Variants in UST observed in about 807,000 individuals in gnomAD.
UST encodes uronyl 2-sulfotransferase.
A neutral mutation model predicts 45.6 loss-of-function variants in UST; 21 were observed. That is an observed-to-expected ratio of 0.46 (90% confidence interval 0.33 to 0.66). The LOEUF (loss-of-function observed/expected upper bound fraction) is 0.66. Among genes scored for constraint, UST ranks in the 30% least tolerant of loss-of-function variants. UST has a pLI of 0.02. For missense variants in UST, 463 were observed against 512.4 expected (o/e 0.90, Z 0.93); for synonymous variants, 215 against 200.6 (o/e 1.07, Z -0.61).
chr6:149,049,931 TCACACACA>T (rs59151398), intron 7 of UST, among the ~76,000 whole-genome samples: 30 of 134,542 alleles, frequency 2.2e-4, no homozygotes, highest in African/African-American at 7.5e-4. Context: ...TCTCTCTCTC[TCACACACA>T]CACACACACA....
Position 148,905,922 on chromosome 6 carries a change from G to A in UST, c.291+18893G>A, listed in dbSNP as rs114694739. On this transcript the variant is annotated intron_variant, in intron 2 of 7. Transcript: ENST00000367463. ...CATCATTATACATCATACTGTTACC[G>A]GTATGCATATATTGTTATCTCCCCA... Among the ~76,000 whole-genome samples the A allele has an allele frequency of 8.3e-3, 1,267 of 152,190 alleles. 22 individuals are homozygous for A. Among genetic ancestry groups the A allele is most frequent in the African/African-American group, 0.029 (1,204 of 41,498 alleles).
chr6:149,032,604 CCTT>C (rs1486894079), intron 7 of UST: 1 of 153,502 alleles, frequency 6.5e-6, no homozygotes, highest in African/African-American at 2.4e-5. Flanking sequence ...CTCTTCCTGG[CCTT>C]CTTCACTGGG....
chr6:148,969,313 A>G (rs939695369), intron 5 of UST, among the ~76,000 whole-genome samples: 18 of 152,214 alleles, frequency 1.2e-4, no homozygotes, highest in East Asian at 3.8e-4. Flanking sequence ...GTAAATATCT[A>G]TGTTTTCCAA....
At chr6:148,894,535 G>A (rs1430330107) in intron 2 of UST, among the ~76,000 whole-genome samples, 1 of 152,144 alleles carries the variant, frequency 6.6e-6, no homozygotes, top group Non-Finnish European at 1.5e-5. Flanking sequence ...GAAGCATGGA[G>A]CAGGTTCCCC....
chr6:148,850,688 G>A (rs1261379731), intron 1 of UST, among the ~76,000 whole-genome samples: 1 of 152,164 alleles, frequency 6.6e-6, no homozygotes, highest in African/African-American at 2.4e-5. Flanking sequence ...CAGCCTCCAG[G>A]TTGACATATG....
At chr6:148,995,093 C>T (rs7756798) in intron 5 of UST, among the ~76,000 whole-genome samples, 90,074 of 151,892 alleles carry the variant, frequency 0.59, 27,118 homozygotes, top group Non-Finnish European at 0.66. Flanking sequence ...GGGGCGATCT[C>T]GGCTCACTGC....
intron 3 of UST, among the ~76,000 whole-genome samples, chr6:148,944,548 G>C (rs1041629280): frequency 1.6e-3 from 152 of 92,522 alleles, no homozygotes; most frequent in African/African-American, 5.8e-3. Flanking sequence ...CACACACACA[G>C]AGCTAAATTT....
rs772643506 is a variant in UST at position 148,792,325 on chromosome 6, G to A, written c.247+44648G>A. Among the ~76,000 whole-genome samples the A allele has an allele frequency of 1.1e-4, 16 of 152,302 alleles. No individual in the cohort carries two copies. The Middle Eastern group carries it at 0.014, about 130-fold the overall frequency. The stretch of plus-strand genomic sequence containing the variant: ...TTGACCAAAAAGCAAGAGGCTGCGC[G>A]TCATTCAGAGCTGACCCCGGGCTGG... On this transcript the variant is annotated intron_variant, in intron 1 of 7. Coordinates refer to ENST00000367463, the MANE Select transcript of UST (RefSeq NM_005715.3).
rs1214140301 is a variant in UST, at chr6:148,790,354, T to TC, written c.247+42679dup. Among the ~76,000 whole-genome samples the TC allele has an allele frequency of 6.6e-6, 1 of 152,178 alleles. No individual in the cohort carries two copies. The highest frequency in any genetic ancestry group is 6.5e-5 in the Admixed American group (1 of 15,276). On this transcript the variant is annotated intron_variant, in intron 1 of 7. Coordinates refer to ENST00000367463, the MANE Select transcript of UST (RefSeq NM_005715.3). The surrounding 1 kb of genome is among the most constrained non-coding windows in gnomAD (Gnocchi z 4.2). ...CCTCATGATGTCAGATGTAGAATAA[T>TC]CCTTCACTATATTTGCTGTTTCTGG...
At chr6:148,882,486 CAAAAAAAA>C (rs397741900) in intron 1 of UST, among the ~76,000 whole-genome samples, 1 of 74,172 alleles carries the variant, frequency 1.3e-5, no homozygotes, top group Non-Finnish European at 2.4e-5. Context: ...AACTCCATCT[CAAAAAAAA>C]AAAAAAAAAA....
chr6:148,855,794 T>C (rs1200452873), intron 1 of UST, among the ~76,000 whole-genome samples: 1 of 152,150 alleles, frequency 6.6e-6, no homozygotes, highest in Non-Finnish European at 1.5e-5. Flanking sequence ...GAGCAAGACA[T>C]GTATCCTGGA....
intron 5 of UST, among the ~76,000 whole-genome samples, chr6:149,017,308 T>C (rs934679733): frequency 2.0e-5 from 3 of 149,248 alleles, no homozygotes; most frequent in African/African-American, 7.5e-5. Context: ...ACCCGGGAGG[T>C]GGAGCTTCCA....
At chr6:148,953,755 G>A (rs1359573109) in intron 3 of UST, 117 bp from the exon 4 acceptor site, 1 of 435,462 alleles carries the variant, frequency 2.3e-6, no homozygotes, top group Non-Finnish European at 3.7e-6. Context: ...CTGGGTGACA[G>A]AGCGAGACTC....
chr6:148,751,392 G>C (rs1022730865), intron 1 of UST, among the ~76,000 whole-genome samples: 3 of 152,192 alleles, frequency 2.0e-5, no homozygotes, highest in Non-Finnish European at 4.4e-5. Flanking sequence ...GACGTGAGGA[G>C]TAGGCTGACG....
intron 2 of UST, among the ~76,000 whole-genome samples, chr6:148,887,696 C>T (rs537739506): frequency 2.6e-5 from 4 of 152,204 alleles, no homozygotes; most frequent in Admixed American, 6.5e-5. Context: ...TTATTCTAAC[C>T]GTATGTCCCT....
intron 5 of UST, among the ~76,000 whole-genome samples, chr6:148,978,185 T>C (rs115882830): frequency 0.033 from 5,025 of 152,318 alleles, 233 homozygotes; most frequent in African/African-American, 0.1. Flanking sequence ...GATAATTTTA[T>C]CTTTCTTTTT....
chr6:148,975,440 C>T (rs540312151), intron 5 of UST, among the ~76,000 whole-genome samples: 1 of 152,296 alleles, frequency 6.6e-6, no homozygotes, highest in East Asian at 1.9e-4. Flanking sequence ...ATTCTGAACA[C>T]CTGTAATGTG....
intron 1 of UST, among the ~76,000 whole-genome samples, chr6:148,878,241 C>CG (rs1562286338): frequency 1.5e-5 from 1 of 67,582 alleles, no homozygotes. Flanking sequence ...TGTATGAGTG[C>CG]GGAGATCGTG....
chr6:148,901,419 T>C (rs776927764), intron 2 of UST, among the ~76,000 whole-genome samples: 3 of 152,118 alleles, frequency 2.0e-5, no homozygotes, highest in Non-Finnish European at 2.9e-5. Flanking sequence ...AGCTCAGGGA[T>C]CCAGGCTGTT....
Sources: allele counts gnomAD v4.1 joint callset (sites outside exome capture counted in the v4.1 genomes callset), GRCh38; gene constraint gnomAD v4.1.1; non-coding constraint Gnocchi (gnomAD v3.1); transcripts MANE v1.5; gene names NCBI Gene and HGNC (gene_info 2026-07-23, HGNC 2026-07-21).